The following DSCAML1 variants were observed in gnomAD, a reference collection of about 807,000 sequenced individuals.
DSCAML1 encodes the protein DS cell adhesion molecule like 1.
In DSCAML1, 38 loss-of-function variants were observed where a neutral mutation model predicts 200.5. The observed-to-expected ratio is 0.19, with a 90% CI of 0.15 to 0.25. The LOEUF (loss-of-function observed/expected upper bound fraction) is 0.25. Ranked by LOEUF, DSCAML1 falls within the 10% of genes least tolerant of loss-of-function variation. DSCAML1 has a pLI of 1.00. For synonymous variants in DSCAML1, 1,215 were observed against 1,165.0 expected (o/e 1.04, Z -0.87); for missense variants, 2,223 against 2,858.8 (o/e 0.78, Z 5.07).
At chr11:117,604,963 G>A (rs2051536001) in intron 3 of DSCAML1, among the ~76,000 whole-genome samples, 2 of 152,160 alleles carry the variant, frequency 1.3e-5, no homozygotes, top group Admixed American at 6.5e-5. Flanking sequence ...GTTTCGGGAG[G>A]AACCTGACCA....
intron 3 of DSCAML1, among the ~76,000 whole-genome samples, chr11:117,775,871 C>G (rs933012670): frequency 6.6e-6 from 1 of 152,190 alleles, no homozygotes; most frequent in Middle Eastern, 3.4e-3. Context: ...CCTTGAGGAA[C>G]AAGAATCATT....
At chr11:117,572,822 C>G (rs901838434) in intron 3 of DSCAML1, among the ~76,000 whole-genome samples, 12 of 152,206 alleles carry the variant, frequency 7.9e-5, no homozygotes, top group East Asian at 7.7e-4. Flanking sequence ...CTCTCAGGCT[C>G]TGGCCCACCC....
At chr11:117,658,489 A>G (rs1336024911) in intron 3 of DSCAML1, among the ~76,000 whole-genome samples, 1 of 152,224 alleles carries the variant, frequency 6.6e-6, no homozygotes, top group East Asian at 1.9e-4. Flanking sequence ...AACTAAAACC[A>G]GTGTCTTCAG....
At chr11:117,453,181 G>A (rs974136051) in intron 19 of DSCAML1, among the ~76,000 whole-genome samples, 5 of 151,978 alleles carry the variant, frequency 3.3e-5, no homozygotes, top group African/African-American at 9.7e-5. Context: ...GTGATCCACC[G>A]GCCTCGGCCT....
At chr11:117,729,448 T>C (rs1367842098) in intron 3 of DSCAML1, among the ~76,000 whole-genome samples, 3 of 152,198 alleles carry the variant, frequency 2.0e-5, no homozygotes, top group Non-Finnish European at 4.4e-5. Context: ...TAAAATGTTT[T>C]GCACTTCGAG....
chr11:117,615,791 A>G (rs2051799261), intron 3 of DSCAML1, among the ~76,000 whole-genome samples: 1 of 152,174 alleles, frequency 6.6e-6, no homozygotes, highest in African/African-American at 2.4e-5. Flanking sequence ...CCAGGTTAGC[A>G]AGTAGCTGTT....
At chr11:117,776,599 A>G (rs1350149764) in intron 3 of DSCAML1, among the ~76,000 whole-genome samples, 192 bp downstream of exon 3, 1 of 151,970 alleles carries the variant, frequency 6.6e-6, no homozygotes, top group Non-Finnish European at 1.5e-5. Flanking sequence ...AACACCCCAC[A>G]GAGAGACGTG....
rs535551815 is a variant in DSCAML1, at chr11:117,609,902, T to C, written c.512-77380A>G. Among the ~76,000 whole-genome samples, 11 of 152,290 alleles carry C rather than the reference T, an allele frequency of 7.2e-5. No homozygotes were observed. The South Asian group carries it at 2.3e-3, about 32-fold the overall frequency. Reference sequence around the variant, plus strand: ...GGCTTTGCACTCTGGCCTTCTCCCATGGCCATCATGGTAGAAACCGAGAGG... The same window carrying C: ...GGCTTTGCACTCTGGCCTTCTCCCACGGCCATCATGGTAGAAACCGAGAGG... On this transcript the variant is annotated intron_variant, in intron 3 of 32. Coordinates refer to ENST00000651296, the MANE Select transcript of DSCAML1 (RefSeq NM_020693.4).
intron 3 of DSCAML1, among the ~76,000 whole-genome samples, chr11:117,562,931 A>T (rs1459416179): frequency 6.6e-6 from 1 of 152,156 alleles, no homozygotes; most frequent in Admixed American, 6.5e-5. Flanking sequence ...AGGCAATCAT[A>T]TCTATTTTAT....
At chr11:117,751,117 G>A (rs1287558933) in intron 3 of DSCAML1, among the ~76,000 whole-genome samples, 2 of 152,254 alleles carry the variant, frequency 1.3e-5, no homozygotes, top group East Asian at 1.9e-4. Context: ...TTGTGTGTGC[G>A]CAGGCGTGTT....
At chr11:117,807,190 A>G (rs2055713921) in intron 1 of DSCAML1, among the ~76,000 whole-genome samples, 1 of 152,180 alleles carries the variant, frequency 6.6e-6, no homozygotes, top group African/African-American at 2.4e-5. Context: ...GCCTGACCAA[A>G]TGGCATCTCT....
intron 3 of DSCAML1, among the ~76,000 whole-genome samples, chr11:117,689,766 C>T (rs1025596232): frequency 1.3e-5 from 2 of 152,224 alleles, no homozygotes; most frequent in Non-Finnish European, 1.5e-5. Flanking sequence ...CTCTGTCGAG[C>T]TGAGACCAGC....
intron 19 of DSCAML1, among the ~76,000 whole-genome samples, chr11:117,457,930 C>T (rs1485080733): frequency 7.9e-5 from 12 of 152,234 alleles, no homozygotes; most frequent in Non-Finnish European, 1.8e-4. Flanking sequence ...TCGTTTGTCA[C>T]ACCTCTTCTA....
At chr11:117,609,291 TTTTC>T (rs140529856) in intron 3 of DSCAML1, among the ~76,000 whole-genome samples, 86,726 of 141,750 alleles carry the variant, frequency 0.61, 26,616 homozygotes, top group African/African-American at 0.72. Flanking sequence ...GTTGATTTTC[TTTTC>T]TTTCTTTCTT....
At chr11:117,696,277 T>C (rs1031727399) in intron 3 of DSCAML1, among the ~76,000 whole-genome samples, 1 of 152,162 alleles carries the variant, frequency 6.6e-6, no homozygotes, top group African/African-American at 2.4e-5. Flanking sequence ...CCTGGGGGCT[T>C]GATCTCTTCA....
At chr11:117,784,994 T>C (rs911058914) in intron 1 of DSCAML1, among the ~76,000 whole-genome samples, 1 of 152,146 alleles carries the variant, frequency 6.6e-6, no homozygotes, top group African/African-American at 2.4e-5. Flanking sequence ...TTCCAAGCCC[T>C]CTCCAAACCC....
At chr11:117,442,143 GTA>G in intron 21 of DSCAML1, among the ~76,000 whole-genome samples, 1 of 152,170 alleles carries the variant, frequency 6.6e-6, no homozygotes, top group Non-Finnish European at 1.5e-5. Context: ...ATGCATGTGT[GTA>G]TGCGTGTGTA....
In DSCAML1 at chr11:117,485,521, A is replaced by C. The variant is rs374744317; in HGVS notation, c.2360-3359T>G. The stretch of plus-strand genomic sequence containing the variant: ...GGATCTGCTTCTGTGGCTGCGAGCT[A>C]TGTGGCCTTCCACCCCTTAAAGCTA... On this transcript the variant is annotated intron_variant, in intron 11 of 32. Transcript: ENST00000651296. Among the ~76,000 whole-genome samples the C allele has an allele frequency of 1.6e-4, 25 of 152,310 alleles. 1 individual carries two copies. The South Asian group carries it at 4.1e-3, about 25-fold the overall frequency.
intron 3 of DSCAML1, among the ~76,000 whole-genome samples, chr11:117,768,440 C>T (rs1216303784): frequency 6.6e-6 from 1 of 152,198 alleles, no homozygotes; most frequent in Non-Finnish European, 1.5e-5. Flanking sequence ...GGACCACCAC[C>T]TCTTTGGGTG....
Sources: gnomAD v4.1 joint callset for allele counts (sites outside exome capture counted in the v4.1 genomes callset) on GRCh38, gnomAD v4.1.1 for gene constraint, MANE v1.5 for transcripts, NCBI Gene and HGNC (gene_info 2026-07-23, HGNC 2026-07-21) for gene names.